SCAPER: variants seen among roughly 807,000 people sequenced by gnomAD.
SCAPER encodes S phase cyclin A-associated protein in the endoplasmic reticulum.
A neutral mutation model predicts 182.2 loss-of-function variants in SCAPER; 98 were observed. The observed-to-expected ratio is 0.54, with a 90% CI of 0.46 to 0.64. SCAPER has a LOEUF of 0.64. Among genes scored for constraint, SCAPER ranks in the 30% least tolerant of loss-of-function variants. The pLI is 0.00. For missense variants in SCAPER, 1,432 were observed against 1,690.0 expected (o/e 0.85, Z 2.68); for synonymous variants, 605 against 564.6 (o/e 1.07, Z -1.01).
intron 3 of SCAPER, among the ~76,000 whole-genome samples, chr15:76,859,655 T>G (rs1163587213): frequency 6.6e-6 from 1 of 152,206 alleles, no homozygotes; most frequent in Non-Finnish European, 1.5e-5. Context: ...ATGTTAATAT[T>G]CTTCTTTTGT....
chr15:76,418,027 AT>A (rs939619857), intron 26 of SCAPER, among the ~76,000 whole-genome samples: 24 of 151,956 alleles, frequency 1.6e-4, no homozygotes, highest in African/African-American at 4.6e-4. Flanking sequence ...AAAAAAAAAA[AT>A]TTTTTTTCAG....
intron 14 of SCAPER, among the ~76,000 whole-genome samples, chr15:76,755,716 T>C (rs957211216): frequency 6.6e-6 from 1 of 152,162 alleles, no homozygotes; most frequent in South Asian, 2.1e-4. Flanking sequence ...CAGCACAACT[T>C]CATTTTATCA....
chr15:76,387,454 A>G (rs2043363761), intron 27 of SCAPER, among the ~76,000 whole-genome samples: 1 of 152,240 alleles, frequency 6.6e-6, no homozygotes, highest in Non-Finnish European at 1.5e-5. Flanking sequence ...TGAATGGCTG[A>G]ATAAATACAC....
chr15:76,803,401 G>A (rs2065925294), intron 6 of SCAPER, among the ~76,000 whole-genome samples: 1 of 152,162 alleles, frequency 6.6e-6, no homozygotes, highest in Admixed American at 6.5e-5. Context: ...GGTTAAGAGT[G>A]TTTTTTCTTA....
intron 28 of SCAPER, among the ~76,000 whole-genome samples, chr15:76,377,912 A>G (rs1268080988): frequency 2.0e-5 from 3 of 152,170 alleles, no homozygotes; most frequent in African/African-American, 7.2e-5. Flanking sequence ...CTTTTCAGAA[A>G]CTCAGTCAGT....
At chr15:76,857,361 A>G (rs2071479543) in intron 4 of SCAPER, among the ~76,000 whole-genome samples, 1 of 151,764 alleles carries the variant, frequency 6.6e-6, no homozygotes, top group African/African-American at 2.4e-5. Context: ...TGAACCCAAG[A>G]GGAAGAGGGT....
chr15:76,519,012 A>G (rs898762195), intron 23 of SCAPER, among the ~76,000 whole-genome samples: 1 of 152,230 alleles, frequency 6.6e-6, no homozygotes, highest in African/African-American at 2.4e-5. Context: ...GACCTTTACT[A>G]AAGGTGAACT....
At chr15:76,743,223 A>G (rs1281078290) in intron 15 of SCAPER, among the ~76,000 whole-genome samples, 1 of 152,150 alleles carries the variant, frequency 6.6e-6, no homozygotes, top group Non-Finnish European at 1.5e-5. Flanking sequence ...AAGGAAAAAA[A>G]TACCATGTCT....
At chr15:76,501,284 A>T (rs2041090373) in intron 24 of SCAPER, among the ~76,000 whole-genome samples, 1 of 151,644 alleles carries the variant, frequency 6.6e-6, no homozygotes, top group East Asian at 1.9e-4. Flanking sequence ...AACCTACTGC[A>T]GACTCAGAAA....
At chr15:76,824,871 GTAAA>G (rs1236264933) in intron 5 of SCAPER, among the ~76,000 whole-genome samples, 2 of 152,076 alleles carry the variant, frequency 1.3e-5, no homozygotes, top group Non-Finnish European at 2.9e-5. Flanking sequence ...ATCTTTGTGG[GTAAA>G]TAAAATTTGT....
chr15:76,728,411 G>T (rs2060717870), intron 17 of SCAPER, among the ~76,000 whole-genome samples, 184 bp downstream of exon 17: 2 of 152,086 alleles, frequency 1.3e-5, no homozygotes, highest in Admixed American at 1.3e-4. Flanking sequence ...GTACACACCT[G>T]TAGTCCAAGC....
chr15:76,899,773 C>T lies in SCAPER; in HGVS notation c.-60+5526G>A, dbSNP rs559764730. Among the ~76,000 whole-genome samples the T allele has an allele frequency of 3.3e-5, 5 of 150,500 alleles. No individual in the cohort carries two copies. The South Asian group carries it at 6.3e-4, about 19-fold the overall frequency. On this transcript the variant is annotated intron_variant, in intron 1 of 31. Transcript: ENST00000563290. Reference sequence around the variant, plus strand: ...GATGTGAGGAGCACCTCTGCCCGGCCGCCCCGTCTGGGAAGTGAGGAGCAC... The same window carrying T: ...GATGTGAGGAGCACCTCTGCCCGGCTGCCCCGTCTGGGAAGTGAGGAGCAC...
At chr15:76,632,805 C>A (rs1008606438) in intron 21 of SCAPER, among the ~76,000 whole-genome samples, 1 of 126,982 alleles carries the variant, frequency 7.9e-6, no homozygotes, top group Admixed American at 8.9e-5. Context: ...CGGAATCTTG[C>A]TCTGTCACCC....
At chr15:76,613,776 G>A (rs993163262) in intron 22 of SCAPER, among the ~76,000 whole-genome samples, 24 of 152,178 alleles carry the variant, frequency 1.6e-4, no homozygotes, top group Admixed American at 1.6e-3. Context: ...TGGCAAGGTT[G>A]TAGAGAAAAA....
In SCAPER at chr15:76,771,962, A is replaced by T; in HGVS notation, c.1036-8T>A. On this transcript the variant is annotated splice_polypyrimidine_tract_variant and splice_region_variant and intron_variant, in intron 9 of 31. Coordinates refer to ENST00000563290, the MANE Select transcript of SCAPER (RefSeq NM_020843.4). The stretch of plus-strand genomic sequence containing the variant: ...CAATGTACTCACTGTGAACTAACAA[A>T]ACGTAGAGAATGAATCAGAGATAAT... The T allele has an allele frequency of 6.3e-7, 1 of 1,588,338 alleles. No individual in the cohort carries two copies. The highest frequency in any genetic ancestry group is 8.6e-7 in the Non-Finnish European group (1 of 1,162,614).
chr15:76,890,502 C>A (rs561000345), intron 1 of SCAPER, among the ~76,000 whole-genome samples: 43 of 152,294 alleles, frequency 2.8e-4, no homozygotes, highest in African/African-American at 9.4e-4. Flanking sequence ...ACAGATCCCA[C>A]AGAAATACAA....
At chr15:76,409,489 CAT>C (rs2045118794) in intron 26 of SCAPER, among the ~76,000 whole-genome samples, 1 of 152,090 alleles carries the variant, frequency 6.6e-6, no homozygotes, top group Middle Eastern at 3.4e-3. Flanking sequence ...TATTTAGAAA[CAT>C]ATACATTATG....
intron 25 of SCAPER, among the ~76,000 whole-genome samples, chr15:76,454,271 C>T (rs999675376): frequency 6.6e-6 from 1 of 152,162 alleles, no homozygotes; most frequent in African/African-American, 2.4e-5. Context: ...TGAAAATCAG[C>T]ACTGTCCTGA....
chr15:76,552,709 T>C (rs12437627), intron 23 of SCAPER, among the ~76,000 whole-genome samples: 60,188 of 152,030 alleles, frequency 0.4, 14,159 homozygotes, highest in Middle Eastern at 0.55. Flanking sequence ...CAGGAACTGA[T>C]GCAGTGCAGC....
Sources: gnomAD v4.1 joint callset for allele counts (sites outside exome capture counted in the v4.1 genomes callset) on GRCh38, gnomAD v4.1.1 for gene constraint, MANE v1.5 for transcripts, NCBI Gene and HGNC (gene_info 2026-07-23, HGNC 2026-07-21) for gene names.